The following TENM2 variants were observed in gnomAD, a reference collection of about 807,000 sequenced individuals.
TENM2 encodes teneurin transmembrane protein 2, also known as teneurin-2.
Under a neutral mutation model 245.2 loss-of-function variants are expected in TENM2, and 52 were observed. The observed-to-expected ratio is 0.21, with a 90% CI of 0.17 to 0.27. The LOEUF (loss-of-function observed/expected upper bound fraction) is 0.27. Among genes scored for constraint, TENM2 ranks in the 10% least tolerant of loss-of-function variants. TENM2 has a pLI of 1.00. For missense variants in TENM2, 3,046 were observed against 3,666.8 expected (o/e 0.83, Z 4.37); for synonymous variants, 1,363 against 1,438.9 (o/e 0.95, Z 1.19).
the TENM2 span, among the ~76,000 whole-genome samples, chr5:167,084,327 T>TATATATATATA: frequency 1.7e-4 from 4 of 23,178 alleles, no homozygotes; most frequent in African/African-American, 3.6e-4. Flanking sequence ...GCCATTTTAG[T>TATATATATATA]TATATATATA....
At chr5:167,856,636 G>A (rs541352256) in intron 2 of TENM2, among the ~76,000 whole-genome samples, 1 of 152,294 alleles carries the variant, frequency 6.6e-6, no homozygotes, top group South Asian at 2.1e-4. Context: ...GGGGCAGGGT[G>A]AATATCTGGG....
intron 8 of TENM2, among the ~76,000 whole-genome samples, chr5:168,093,959 G>A (rs1202937961): frequency 1.3e-5 from 2 of 148,620 alleles, no homozygotes; most frequent in African/African-American, 5.0e-5. Flanking sequence ...TGTTTATTTT[G>A]GATTCTCCTA....
chr5:168,083,561 A>T (rs911085121), intron 7 of TENM2, among the ~76,000 whole-genome samples: 1 of 152,130 alleles, frequency 6.6e-6, no homozygotes, highest in Non-Finnish European at 1.5e-5. Flanking sequence ...AGCTCTTCCT[A>T]TTTGGCCATC....
At chr5:167,910,851 GGCA>G (rs1199750252) in intron 3 of TENM2, among the ~76,000 whole-genome samples, 1 of 152,104 alleles carries the variant, frequency 6.6e-6, no homozygotes, top group East Asian at 1.9e-4. Context: ...GTAAATCCAT[GGCA>G]GCACAGTTAA....
intron 2 of TENM2, among the ~76,000 whole-genome samples, chr5:167,846,562 G>A (rs1770058715): frequency 6.6e-6 from 1 of 152,180 alleles, no homozygotes; most frequent in South Asian, 2.1e-4. Context: ...TTTCTGTGAT[G>A]CCAAGAATCT....
At chr5:167,117,344 A>G in the TENM2 span, among the ~76,000 whole-genome samples, 2 of 152,132 alleles carry the variant, frequency 1.3e-5, no homozygotes, top group African/African-American at 4.8e-5. Flanking sequence ...TCTACTAAAA[A>G]TACAAAAAAT....
At chr5:167,519,129 T>G (rs1770591719) in intron 2 of TENM2, among the ~76,000 whole-genome samples, 1 of 152,170 alleles carries the variant, frequency 6.6e-6, no homozygotes, top group South Asian at 2.1e-4. Flanking sequence ...TGTTCTGACA[T>G]CTAACACTCT....
chr5:168,065,678 T>C (rs1048679271), intron 7 of TENM2, among the ~76,000 whole-genome samples: 2 of 152,008 alleles, frequency 1.3e-5, no homozygotes, highest in East Asian at 1.9e-4. Flanking sequence ...AAAAACTACA[T>C]TTCATTGCAG....
At chr5:168,170,616 T>A (rs991305326) in intron 13 of TENM2, among the ~76,000 whole-genome samples, 12 of 151,996 alleles carry the variant, frequency 7.9e-5, no homozygotes, top group Admixed American at 5.9e-4. Context: ...TAATAATCAG[T>A]AAGATTTTTG....
the TENM2 span, among the ~76,000 whole-genome samples, chr5:167,102,648 G>T: frequency 2.0e-5 from 3 of 152,100 alleles, no homozygotes; most frequent in Non-Finnish European, 4.4e-5. Context: ...CACACAGTTT[G>T]TTTTGTTTTG....
chr5:167,924,334 G>C (rs944132007), intron 3 of TENM2, among the ~76,000 whole-genome samples: 1 of 152,200 alleles, frequency 6.6e-6, no homozygotes, highest in Non-Finnish European at 1.5e-5. Flanking sequence ...GTCCATGAGC[G>C]CTTGCCAGGA....
Position 167,981,642 on chromosome 5 carries a change from A to G in TENM2, c.948-11302A>G, listed in dbSNP as rs78550442. On this transcript the variant is annotated intron_variant, in intron 4 of 28. Transcript: ENST00000518659. ...GAATGCTCCTAAATGTGCTTTGCTAACTCAAAGAGATGGCATAGTTAGAAC... is the reference window on the plus strand; with the variant it reads ...GAATGCTCCTAAATGTGCTTTGCTAGCTCAAAGAGATGGCATAGTTAGAAC... Among the ~76,000 whole-genome samples, 278 of 152,288 alleles carry G rather than the reference A, an allele frequency of 1.8e-3. 2 individuals are homozygous for G. In the East Asian group the frequency reaches 0.028, roughly 15 times the overall value.
the TENM2 span, among the ~76,000 whole-genome samples, chr5:167,226,360 T>C: frequency 6.6e-6 from 1 of 152,012 alleles, no homozygotes; most frequent in African/African-American, 2.4e-5. Flanking sequence ...TTTTCATTTG[T>C]TCTGAGAAAC....
chr5:167,433,806 A>G (rs2127447339), intron 2 of TENM2, among the ~76,000 whole-genome samples: 1 of 152,270 alleles, frequency 6.6e-6, no homozygotes, highest in East Asian at 1.9e-4. Flanking sequence ...TGTTCACATT[A>G]TGATCTTATC....
chr5:167,555,320 T>G (rs1582376743), intron 2 of TENM2, among the ~76,000 whole-genome samples: 1 of 152,250 alleles, frequency 6.6e-6, no homozygotes, highest in Non-Finnish European at 1.5e-5. Context: ...ACTGACCAAC[T>G]GCACCTTTGT....
intron 2 of TENM2, among the ~76,000 whole-genome samples, chr5:167,725,989 C>T (rs1289615684): frequency 6.6e-6 from 1 of 152,184 alleles, no homozygotes; most frequent in Non-Finnish European, 1.5e-5. Flanking sequence ...CTTCGCTGTG[C>T]TTACACACCT....
chr5:168,189,718 C>T (rs910745425), intron 13 of TENM2, among the ~76,000 whole-genome samples: 11 of 152,078 alleles, frequency 7.2e-5, no homozygotes, highest in African/African-American at 1.2e-4. Context: ...TACTTTTCTC[C>T]GTTAAAGTGA....
At chr5:167,816,581 G>A (rs1451741216) in intron 2 of TENM2, among the ~76,000 whole-genome samples, 2 of 152,176 alleles carry the variant, frequency 1.3e-5, no homozygotes, top group Admixed American at 1.3e-4. Flanking sequence ...TGGAAGGAGT[G>A]ATAGTTTCTC....
intron 27 of TENM2, among the ~76,000 whole-genome samples, chr5:168,252,242 G>A (rs556305437): frequency 6.6e-6 from 1 of 151,932 alleles, no homozygotes; most frequent in African/African-American, 2.4e-5. Flanking sequence ...GCCAAGTGTA[G>A]TGGTGCACAC....
Sources: allele counts gnomAD v4.1 joint callset (sites outside exome capture counted in the v4.1 genomes callset), GRCh38; gene constraint gnomAD v4.1.1; transcripts MANE v1.5; gene names NCBI Gene and HGNC (gene_info 2026-07-23, HGNC 2026-07-21).